TNIK: variants seen among roughly 807,000 people sequenced by gnomAD.
TNIK encodes the protein TRAF2 and NCK interacting kinase.
In TNIK, 49 loss-of-function variants were observed where a neutral mutation model predicts 191.3. The observed-to-expected ratio is 0.26, with a 90% confidence interval of 0.20 to 0.32. The LOEUF is 0.32. Ranked by LOEUF, TNIK falls within the 10% of genes least tolerant of loss-of-function variation. TNIK has a pLI of 1.00. For missense variants in TNIK, 1,155 were observed against 1,702.3 expected (o/e 0.68, Z 5.66); for synonymous variants, 594 against 600.9 (o/e 0.99, Z 0.17).
intron 12 of TNIK, among the ~76,000 whole-genome samples, chr3:171,152,578 G>A (rs886094150): frequency 6.6e-6 from 1 of 152,082 alleles, no homozygotes; most frequent in Non-Finnish European, 1.5e-5. Context: ...GGAAGTGGAG[G>A]TGTGGAGAGA....
At position 171,159,976 on chromosome 3, in the gene TNIK, G is replaced by T. The variant is rs184099994; in HGVS notation, c.1016+1294C>A. Among the ~76,000 whole-genome samples, 4 of 152,156 alleles carry T rather than the reference G, an allele frequency of 2.6e-5. No homozygotes were observed. The highest frequency in any genetic ancestry group is 9.7e-5 in the African/African-American group (4 of 41,450). On this transcript the variant is annotated intron_variant, in intron 11 of 32. Transcript: ENST00000436636. This position sits in a 1 kb window ranked among gnomAD's most constrained non-coding sequence, Gnocchi z 4.1. Reference sequence around the variant, plus strand: ...AGTTTAGCAAGTGTTAGAAAGACAGGGTTTCTCAGTTCTACAGAAAGTGGT... The same window carrying T: ...AGTTTAGCAAGTGTTAGAAAGACAGTGTTTCTCAGTTCTACAGAAAGTGGT...
At position 171,306,316 on chromosome 3, in the gene TNIK, A is replaced by G. The variant is rs538232448; in HGVS notation, c.123+63304T>C. On this transcript the variant is annotated intron_variant, in intron 2 of 32. Coordinates refer to ENST00000436636, the MANE Select transcript of TNIK (RefSeq NM_015028.4). The stretch of plus-strand genomic sequence containing the variant: ...CAATCTGTACACAAACCCCCAAACC[A>G]TGAGTTTACCTATGTAACAAACCTG... 1.4e-3 allele frequency among the ~76,000 whole-genome samples: 218 copies of G among 152,274 alleles called. 1 individual carries two copies. The highest frequency in any genetic ancestry group is 6.8e-3 in the Middle Eastern group (2 of 294).
intron 22 of TNIK, among the ~76,000 whole-genome samples, chr3:171,097,231 G>C (rs905093699): frequency 7.2e-5 from 11 of 152,210 alleles, no homozygotes; most frequent in Admixed American, 2.0e-4. Context: ...TCAGTGAGGA[G>C]AAATGTGGCA....
chr3:171,187,840 G>A (rs890221376), intron 7 of TNIK, among the ~76,000 whole-genome samples: 1 of 152,152 alleles, frequency 6.6e-6, no homozygotes. Flanking sequence ...AGCCCAAGCA[G>A]ATCAAGTTTT....
At chr3:171,139,367 C>G (rs1730454038) in intron 14 of TNIK, 103 bp downstream of exon 14, 1 of 1,052,368 alleles carries the variant, frequency 9.5e-7, no homozygotes, top group Non-Finnish European at 1.4e-6. Context: ...TAGAAGGACA[C>G]ACGCACGCGC....
At chr3:171,436,938 G>A (rs1044789684) in intron 1 of TNIK, among the ~76,000 whole-genome samples, 4 of 152,102 alleles carry the variant, frequency 2.6e-5, no homozygotes, top group Admixed American at 2.6e-4. Flanking sequence ...CATTTGGCGA[G>A]GCTGTCAAGA....
chr3:171,203,186 G>A (rs1739626546), intron 4 of TNIK, among the ~76,000 whole-genome samples: 1 of 152,008 alleles, frequency 6.6e-6, no homozygotes, highest in Non-Finnish European at 1.5e-5. Flanking sequence ...AAATTGAAGT[G>A]GGCATTATTT....
chr3:171,124,278 A>G (rs565201753), intron 17 of TNIK, among the ~76,000 whole-genome samples: 47 of 152,336 alleles, frequency 3.1e-4, no homozygotes, highest in Middle Eastern at 3.4e-3. Flanking sequence ...GCAATTACCT[A>G]CTAAAACCAA....
chr3:171,264,131 T>TAC (rs1271985628), intron 2 of TNIK, among the ~76,000 whole-genome samples: 9 of 142,772 alleles, frequency 6.3e-5, no homozygotes, highest in Non-Finnish European at 1.4e-4. Context: ...TATATATATA[T>TAC]ACACCCCTTA....
chr3:171,272,804 G>C (rs1453405927), intron 2 of TNIK, among the ~76,000 whole-genome samples: 2 of 152,002 alleles, frequency 1.3e-5, no homozygotes, highest in African/African-American at 4.8e-5. Flanking sequence ...CCATTATTTT[G>C]AATTGTTTGT....
At chr3:171,289,886 G>A (rs990202911) in intron 2 of TNIK, among the ~76,000 whole-genome samples, 2 of 146,338 alleles carry the variant, frequency 1.4e-5, no homozygotes, top group African/African-American at 2.6e-5. Flanking sequence ...TGGGTGACAG[G>A]GCCAGACTCC....
At chr3:171,432,362 T>G (rs917327066) in intron 1 of TNIK, among the ~76,000 whole-genome samples, 1 of 152,068 alleles carries the variant, frequency 6.6e-6, no homozygotes, top group East Asian at 1.9e-4. Context: ...AATTCAATAG[T>G]AAGGAACAGA....
intron 7 of TNIK, among the ~76,000 whole-genome samples, chr3:171,185,183 G>A (rs913109778): frequency 1.4e-5 from 1 of 72,310 alleles, no homozygotes; most frequent in Non-Finnish European, 2.6e-5. Flanking sequence ...TTTCCCGTGT[G>A]TGTGTGTGTG....
chr3:171,292,365 T>G (rs1751778064), intron 2 of TNIK, among the ~76,000 whole-genome samples: 1 of 152,236 alleles, frequency 6.6e-6, no homozygotes, highest in Admixed American at 6.5e-5. Flanking sequence ...TTAATGTTTA[T>G]TTTAACAAGC....
chr3:171,344,002 TCCTC>T (rs1326307323), intron 2 of TNIK, among the ~76,000 whole-genome samples: 3 of 152,190 alleles, frequency 2.0e-5, no homozygotes, highest in African/African-American at 7.2e-5. Context: ...TGAATGTGTT[TCCTC>T]CCTCCTTCCC....
chr3:171,174,340 G>A (rs903246096), intron 9 of TNIK, among the ~76,000 whole-genome samples: 7 of 152,060 alleles, frequency 4.6e-5, no homozygotes, highest in African/African-American at 1.7e-4. Flanking sequence ...TGTCCCTCAT[G>A]GTCTCACTGC....
intron 17 of TNIK, among the ~76,000 whole-genome samples, chr3:171,125,675 T>G (rs547047623): frequency 2.0e-5 from 3 of 152,288 alleles, no homozygotes; most frequent in African/African-American, 4.8e-5. Flanking sequence ...ACTTTGGACG[T>G]AGGATCTGTG....
At chr3:171,278,087 T>C (rs1006181325) in intron 2 of TNIK, among the ~76,000 whole-genome samples, 1 of 152,196 alleles carries the variant, frequency 6.6e-6, no homozygotes, top group Non-Finnish European at 1.5e-5. Flanking sequence ...CATGCACATA[T>C]AGCTCACCCG....
Position 171,265,959 on chromosome 3 carries a change from CCAG to C in TNIK, c.124-37741_124-37739del, listed in dbSNP as rs1333614006. ...TCCTGGGGTCCCCAGACATAGCCGG[CCAG>C]GCTGTCATGGCACCTCCAATTCAGA... is the stretch of plus-strand genomic sequence containing the variant. On this transcript the variant is annotated intron_variant, in intron 2 of 32. Coordinates refer to ENST00000436636, the MANE Select transcript of TNIK (RefSeq NM_015028.4). Among the ~76,000 whole-genome samples, 11 of 152,324 alleles carry C rather than the reference CCAG, an allele frequency of 7.2e-5. No homozygotes were observed. In the East Asian group the frequency reaches 2.1e-3, roughly 29 times the overall value.
Sources: gnomAD v4.1 joint callset for allele counts (sites outside exome capture counted in the v4.1 genomes callset) on GRCh38, gnomAD v4.1.1 for gene constraint, Gnocchi (gnomAD v3.1) non-coding constraint, MANE v1.5 for transcripts, NCBI Gene and HGNC (gene_info 2026-07-23, HGNC 2026-07-21) for gene names.